The following GMDS variants were observed in gnomAD, a reference collection of about 807,000 sequenced individuals.
The protein encoded by GMDS is GDP-mannose 4,6-dehydratase, also known as GDP-mannose 4,6 dehydratase.
A neutral mutation model predicts 49.9 loss-of-function variants in GMDS; 20 were observed. The observed-to-expected ratio is 0.40, with a 90% CI of 0.28 to 0.58. The LOEUF (loss-of-function observed/expected upper bound fraction) is 0.58, where lower values mean the gene tolerates loss of function less well. GMDS is among the 20% of genes least tolerant of loss of function. The probability of loss-of-function intolerance (pLI) is 0.42; values close to 1 mark genes in which losing one functional copy is unlikely to be tolerated. For missense variants in GMDS, 362 were observed against 481.4 expected (o/e 0.75, Z 2.32); for synonymous variants, 177 against 178.6 (o/e 0.99, Z 0.07).
chr6:2,192,210 T>C (rs572855561), intron 1 of GMDS, among the ~76,000 whole-genome samples: 1 of 152,136 alleles, frequency 6.6e-6, no homozygotes, highest in East Asian at 1.9e-4. Context: ...CTTGTTGGGA[T>C]GACCAGCTGC....
At chr6:2,146,606 C>T (rs1367351896) in intron 1 of GMDS, among the ~76,000 whole-genome samples, 2 of 152,196 alleles carry the variant, frequency 1.3e-5, no homozygotes, top group Admixed American at 1.3e-4. Flanking sequence ...TTCCACGGCT[C>T]ACTCAAGTAT....
intron 4 of GMDS, among the ~76,000 whole-genome samples, chr6:2,033,417 G>A (rs969619854): frequency 2.6e-5 from 4 of 152,174 alleles, no homozygotes; most frequent in Admixed American, 1.3e-4. Context: ...AGGGCCTAAG[G>A]AAATCTTTCC....
intron 4 of GMDS, among the ~76,000 whole-genome samples, chr6:1,962,531 C>T (rs1159511209): frequency 1.3e-5 from 2 of 152,182 alleles, no homozygotes; most frequent in African/African-American, 4.8e-5. Flanking sequence ...ACAAGAGTTC[C>T]AATTTCTCCA....
At chr6:2,072,269 A>C (rs772725761) in intron 4 of GMDS, among the ~76,000 whole-genome samples, 53 of 152,344 alleles carry the variant, frequency 3.5e-4, no homozygotes, top group Non-Finnish European at 6.9e-4. Context: ...AAATTCTAAA[A>C]GAAAGGGGAG....
At chr6:2,234,865 C>A (rs748418157) in intron 1 of GMDS, among the ~76,000 whole-genome samples, 2 of 152,210 alleles carry the variant, frequency 1.3e-5, no homozygotes, top group East Asian at 3.9e-4. Context: ...CAAGTGAGGA[C>A]CTGTAATCCC....
At position 1,922,754 on chromosome 6, in the gene GMDS, C is replaced by A. The variant is rs535745257; in HGVS notation, c.771+7349G>T. 7.2e-5 allele frequency among the ~76,000 whole-genome samples: 11 copies of A among 152,250 alleles called. No individual in the cohort carries two copies. The East Asian group carries it at 1.7e-3, about 24-fold the overall frequency. On this transcript the variant is annotated intron_variant, in intron 7 of 10. Coordinates refer to ENST00000380815, the MANE Select transcript of GMDS (RefSeq NM_001500.4). ...GAGATGGCTTGACTCAGGGAAGAGC[C>A]GGCTGGACGTCAGGGGAAGACTTGT...
At chr6:2,120,484 T>C (rs1281904180) in intron 2 of GMDS, among the ~76,000 whole-genome samples, 1 of 152,238 alleles carries the variant, frequency 6.6e-6, no homozygotes, top group Non-Finnish European at 1.5e-5. Context: ...ACTAACCTTA[T>C]ATCCATTTCT....
chr6:1,886,389 C>T (rs1223667314), intron 7 of GMDS, among the ~76,000 whole-genome samples: 1 of 152,108 alleles, frequency 6.6e-6, no homozygotes, highest in East Asian at 1.9e-4. Context: ...GGAAATAAAA[C>T]ATAAATTAGA....
At chr6:1,847,532 G>A (rs1757464173) in intron 7 of GMDS, among the ~76,000 whole-genome samples, 1 of 152,164 alleles carries the variant, frequency 6.6e-6, no homozygotes, top group Non-Finnish European at 1.5e-5. Context: ...CATTCCCTAA[G>A]TTCCCTTGCA....
At chr6:1,824,768 A>T (rs1157676) in intron 7 of GMDS, among the ~76,000 whole-genome samples, 4 of 152,096 alleles carry the variant, frequency 2.6e-5, no homozygotes, top group African/African-American at 7.2e-5. Context: ...ATGCCTATTA[A>T]GTACCTGGTA....
chr6:2,039,256 A>T (rs1769501430), intron 4 of GMDS, among the ~76,000 whole-genome samples: 1 of 152,152 alleles, frequency 6.6e-6, no homozygotes, highest in South Asian at 2.1e-4. Flanking sequence ...AGCTTGCAGG[A>T]CTGGAAGTTG....
intron 7 of GMDS, among the ~76,000 whole-genome samples, chr6:1,902,763 C>T (rs1477337599): frequency 6.6e-6 from 1 of 152,140 alleles, no homozygotes; most frequent in Non-Finnish European, 1.5e-5. Flanking sequence ...GGTCAAATAA[C>T]AGGTAAAAAC....
Position 2,090,622 on chromosome 6 carries a change from C to T in GMDS, c.345+25149G>A, listed in dbSNP as rs540052343. On this transcript the variant is annotated intron_variant, in intron 4 of 10. Transcript: ENST00000380815. ...TTCCAATCATAAGCTAGAACAACAA[C>T]GACAAATCCTTGTTTCTCAATCTTA... Among the ~76,000 whole-genome samples, 8 of 152,222 alleles carry T rather than the reference C, an allele frequency of 5.3e-5. No homozygotes were observed. In the East Asian group the frequency reaches 5.8e-4, roughly 11 times the overall value.
intron 4 of GMDS, among the ~76,000 whole-genome samples, chr6:2,054,582 A>G (rs1271816007): frequency 6.6e-6 from 1 of 152,116 alleles, no homozygotes; most frequent in Non-Finnish European, 1.5e-5. Flanking sequence ...AATCCCAGCA[A>G]AGAGACAGAC....
intron 1 of GMDS, among the ~76,000 whole-genome samples, chr6:2,156,028 T>G (rs12201722): frequency 0.016 from 2,369 of 152,240 alleles, 37 homozygotes; most frequent in South Asian, 0.054. Context: ...TTAGGGTTAC[T>G]TTTTTTAATG....
intron 7 of GMDS, among the ~76,000 whole-genome samples, chr6:1,877,279 C>T (rs1488075278): frequency 1.3e-5 from 2 of 152,050 alleles, no homozygotes; most frequent in African/African-American, 4.8e-5. Context: ...TCTGTCAAGT[C>T]TTCCATTTTC....
At chr6:1,881,399 T>C (rs952811402) in intron 7 of GMDS, among the ~76,000 whole-genome samples, 8 of 152,088 alleles carry the variant, frequency 5.3e-5, no homozygotes, top group Admixed American at 2.6e-4. Context: ...ATTAAAAGAT[T>C]AAAAAGAAAG....
intron 1 of GMDS, among the ~76,000 whole-genome samples, chr6:2,129,179 A>G (rs1425798713): frequency 6.6e-6 from 1 of 152,164 alleles, no homozygotes; most frequent in African/African-American, 2.4e-5. Flanking sequence ...CACAACTATG[A>G]AAAGCTGAAA....
rs143269226 is a variant in GMDS, at chr6:1,697,540, G to A, written c.987+28876C>T. 1.1e-4 allele frequency among the ~76,000 whole-genome samples: 16 copies of A among 152,268 alleles called. No homozygotes were observed. The East Asian group carries it at 2.3e-3, about 22-fold the overall frequency. ...TAGAAAACAATGCAAAAACCTTGGCGCGCTGCAGCCTCATGTTCTGAACCA... is the reference window on the plus strand; with the variant it reads ...TAGAAAACAATGCAAAAACCTTGGCACGCTGCAGCCTCATGTTCTGAACCA... On this transcript the variant is annotated intron_variant, in intron 9 of 10. Transcript: ENST00000380815.
Sources: gnomAD v4.1 joint callset for allele counts (sites outside exome capture counted in the v4.1 genomes callset) on GRCh38, gnomAD v4.1.1 for gene constraint, MANE v1.5 for transcripts, NCBI Gene and HGNC (gene_info 2026-07-23, HGNC 2026-07-21) for gene names.